The following SLC4A4 variants were observed in gnomAD, a reference collection of about 807,000 sequenced individuals.
The protein encoded by SLC4A4 is solute carrier family 4 member 4.
Under a neutral mutation model 111.5 loss-of-function variants are expected in SLC4A4, and 27 were observed. The observed-to-expected ratio is 0.24, with a 90% confidence interval of 0.18 to 0.33. The LOEUF is 0.33. Ranked by LOEUF, SLC4A4 falls within the 10% of genes least tolerant of loss-of-function variation. The pLI, the probability that SLC4A4 is intolerant of heterozygous loss-of-function variation, is 1.00. For synonymous variants in SLC4A4, 443 were observed against 463.4 expected (o/e 0.96, Z 0.57); for missense variants, 909 against 1,315.5 (o/e 0.69, Z 4.78).
intron 18 of SLC4A4, among the ~76,000 whole-genome samples, chr4:71,538,926 G>A (rs978701401): frequency 5.9e-5 from 9 of 152,062 alleles, no homozygotes; most frequent in African/African-American, 2.2e-4. Context: ...GCAGAAGAAG[G>A]AATAGAGTCT....
intron 5 of SLC4A4, among the ~76,000 whole-genome samples, chr4:71,356,207 C>T (rs916996075): frequency 1.3e-5 from 2 of 152,166 alleles, no homozygotes; most frequent in East Asian, 3.8e-4. Flanking sequence ...GGCATAAGAA[C>T]TTACCTTCCA....
chr4:71,548,174 A>G (rs1735691999), intron 20 of SLC4A4, among the ~76,000 whole-genome samples: 2 of 151,808 alleles, frequency 1.3e-5, no homozygotes, highest in Non-Finnish European at 1.5e-5. Context: ...CCATTTTGAT[A>G]TTTTTCGACT....
At chr4:71,456,581 G>A (rs919851176) in intron 12 of SLC4A4, among the ~76,000 whole-genome samples, 11 of 152,038 alleles carry the variant, frequency 7.2e-5, no homozygotes, top group African/African-American at 2.7e-4. Flanking sequence ...TGGTGCTAAG[G>A]CCCAGGTCAT....
At chr4:71,451,609 A>G (rs1225492554) in intron 11 of SLC4A4, among the ~76,000 whole-genome samples, 1 of 152,154 alleles carries the variant, frequency 6.6e-6, no homozygotes, top group African/African-American at 2.4e-5. Context: ...TTCCAATTTT[A>G]GATAAGAGTG....
intron 3 of SLC4A4, among the ~76,000 whole-genome samples, chr4:71,279,728 A>G (rs1723357462): frequency 6.6e-6 from 1 of 152,218 alleles, no homozygotes; most frequent in Admixed American, 6.5e-5. Flanking sequence ...TGTCTAATTT[A>G]TATTCCTATT....
At chr4:71,566,943 T>C in intron 24 of SLC4A4, 61 bp from the exon 25 acceptor site, 1 of 1,378,184 alleles carries the variant, frequency 7.3e-7, no homozygotes, top group Non-Finnish European at 1.0e-6. Context: ...TTGTGAAGAT[T>C]TTTGTTTTAT....
At chr4:71,066,211 T>C (rs1741512590) in intron 1 of SLC4A4, among the ~76,000 whole-genome samples, 1 of 152,204 alleles carries the variant, frequency 6.6e-6, no homozygotes, top group Admixed American at 6.5e-5. Flanking sequence ...AAAGTAATAA[T>C]GCTGAGATTT....
chr4:71,238,645 A>G (rs1456389521), intron 2 of SLC4A4, among the ~76,000 whole-genome samples: 1 of 152,180 alleles, frequency 6.6e-6, no homozygotes, highest in Non-Finnish European at 1.5e-5. Context: ...CCTGAGCCCC[A>G]TAAGAAGATT....
chr4:71,410,760 G>C (rs944375890), intron 7 of SLC4A4, among the ~76,000 whole-genome samples: 2 of 152,020 alleles, frequency 1.3e-5, no homozygotes, highest in African/African-American at 4.8e-5. Flanking sequence ...TTTTGTTTTT[G>C]TTTTGGAATA....
intron 9 of SLC4A4, among the ~76,000 whole-genome samples, chr4:71,449,231 GTCA>G (rs1725539937): frequency 6.6e-6 from 1 of 152,160 alleles, no homozygotes; most frequent in Non-Finnish European, 1.5e-5. Context: ...ATCAGCTCCA[GTCA>G]TCTTATCTGT....
chr4:71,210,761 A>AT (rs1221384119), intron 1 of SLC4A4, among the ~76,000 whole-genome samples: 1 of 152,088 alleles, frequency 6.6e-6, no homozygotes, highest in Non-Finnish European at 1.5e-5. Flanking sequence ...ATGTTTATAT[A>AT]TTTTTCTACC....
At chr4:71,290,557 A>G (rs1265672861) in intron 3 of SLC4A4, among the ~76,000 whole-genome samples, 4 of 152,236 alleles carry the variant, frequency 2.6e-5, no homozygotes, top group East Asian at 1.9e-4. Flanking sequence ...GCAAAAGTGC[A>G]TCAGGGATTT....
chr4:71,516,092 T>C (rs867737957), intron 16 of SLC4A4, among the ~76,000 whole-genome samples: 13 of 80,038 alleles, frequency 1.6e-4, no homozygotes, highest in African/African-American at 6.5e-4. Flanking sequence ...TTTTTTTTTT[T>C]TTTTTTTTTT....
chr4:71,246,686 A>G (rs1368700014), intron 2 of SLC4A4, among the ~76,000 whole-genome samples: 1 of 152,046 alleles, frequency 6.6e-6, no homozygotes, highest in Non-Finnish European at 1.5e-5. Context: ...TCCTGAGCCC[A>G]TTTTTCCCTT....
intron 6 of SLC4A4, among the ~76,000 whole-genome samples, chr4:71,390,098 C>T (rs1719122231): frequency 6.6e-6 from 1 of 151,936 alleles, no homozygotes; most frequent in South Asian, 2.1e-4. Flanking sequence ...TAATGACATG[C>T]TTATTTTATT....
At chr4:71,470,502 G>A (rs1341780061) in intron 13 of SLC4A4, among the ~76,000 whole-genome samples, 1 of 152,014 alleles carries the variant, frequency 6.6e-6, no homozygotes, top group Non-Finnish European at 1.5e-5. Context: ...AAGAGATTTG[G>A]TTTCTGGTCA....
intron 18 of SLC4A4, among the ~76,000 whole-genome samples, chr4:71,537,313 A>G (rs143982823): frequency 1.1e-4 from 2 of 17,856 alleles, no homozygotes; most frequent in Admixed American, 6.3e-4. Flanking sequence ...ATGTATACAC[A>G]TATGTCTACA....
chr4:71,535,567 A>G (rs189128850), intron 18 of SLC4A4, among the ~76,000 whole-genome samples: 2 of 152,142 alleles, frequency 1.3e-5, no homozygotes, highest in African/African-American at 4.8e-5. Context: ...CATGTTGACA[A>G]TGACGTCCAT....
intron 24 of SLC4A4, 50 bp downstream of exon 24, chr4:71,563,939 A>C (rs1295821099): frequency 1.7e-6 from 2 of 1,191,768 alleles, no homozygotes; most frequent in African/African-American, 3.0e-5. Context: ...ATTTGCACTT[A>C]CAGAGAAAAC....
Sources: allele counts gnomAD v4.1 joint callset (sites outside exome capture counted in the v4.1 genomes callset), GRCh38; gene constraint gnomAD v4.1.1; transcripts MANE v1.5; gene names NCBI Gene and HGNC (gene_info 2026-07-23, HGNC 2026-07-21).